The following FER1L5 variants were observed in gnomAD, a reference collection of about 807,000 sequenced individuals.
The protein encoded by FER1L5 is fer-1-like protein 5.
FER1L5 carries 187 observed loss-of-function variants against 279.9 expected under a neutral mutation model. The ratio of observed to expected loss-of-function variants is 0.67; its 90% CI spans 0.59 to 0.75. The LOEUF (loss-of-function observed/expected upper bound fraction) is 0.75, where lower values mean the gene tolerates loss of function less well. Ranked by LOEUF, FER1L5 falls within the 30% of genes least tolerant of loss-of-function variation. The pLI is 0.00. For missense variants in FER1L5, 2,091 were observed against 2,594.4 expected (o/e 0.81, Z 4.21); for synonymous variants, 921 against 989.7 (o/e 0.93, Z 1.30).
intron 1 of FER1L5, among the ~76,000 whole-genome samples, chr2:96,643,459 C>T (rs1573744591): frequency 1.3e-5 from 2 of 152,218 alleles, no homozygotes; most frequent in Non-Finnish European, 2.9e-5. Context: ...AAGCAATTCT[C>T]CTGCCTCACC....
chr2:96,650,401 G>C lies in FER1L5; in HGVS notation c.504+112G>C, dbSNP rs934878939. 2.0e-5 allele frequency: 17 copies of C among 867,970 alleles called. No individual in the cohort carries two copies. In the Admixed American group the frequency reaches 3.2e-4, roughly 17 times the overall value. The allele number at this position is 867,970 out of a possible 1,614,324, so 53.8% of individuals were successfully genotyped here. On this transcript the variant is annotated intron_variant, in intron 6 of 52. Transcript: ENST00000624922. ...GTCATGGTAGAAGGGCAGAGCTTCA[G>C]ACCCAGCTTCTGGCCCTCAGATCCT...
At position 96,687,788 on chromosome 2, in the gene FER1L5, C is replaced by T. The variant is rs565592531; in HGVS notation, c.2230-28C>T. On this transcript the variant is annotated intron_variant, in intron 23 of 52. Transcript: ENST00000624922. ...GTGGCGTTCAGGGTGTTTAGTGCCC[C>T]TGTGGGACCGATCGGCCTCTGGCTC... is the stretch of plus-strand genomic sequence containing the variant. The T allele has an allele frequency of 7.2e-4, 1,109 of 1,550,276 alleles. 5 individuals are homozygous for T. The African/African-American group carries it at 0.014, about 19-fold the overall frequency.
chr2:96,657,280 G>T (rs1299825067), intron 9 of FER1L5, among the ~76,000 whole-genome samples: 1 of 151,636 alleles, frequency 6.6e-6, no homozygotes, highest in Non-Finnish European at 1.5e-5. Context: ...TCACCATGTC[G>T]GCCAGGCTGG....
rs530887312 is a variant in FER1L5, at chr2:96,652,031, C to G, written c.633+11C>G. The G allele has an allele frequency of 6.4e-7, 1 of 1,551,436 alleles. No homozygotes were observed. The highest frequency in any genetic ancestry group is 8.7e-7 in the Non-Finnish European group (1 of 1,146,938). ...CCTTTCTTTAATGAGGTGGGCTGAA[C>G]GGGGCACATCAGGCAAGGAGCCAGC... On this transcript the variant is annotated intron_variant, in intron 7 of 52. Transcript: ENST00000624922.
chr2:96,689,214 A>G lies in FER1L5; in HGVS notation c.2363A>G (p.Tyr788Cys). 1 of 1,549,874 alleles carries G rather than the reference A, an allele frequency of 6.5e-7. No homozygotes were observed. Among genetic ancestry groups the G allele is most frequent in the Non-Finnish European group, 8.7e-7 (1 of 1,146,340 alleles). ...QGDTAVYAEM[Y>C]ENQAKYKDQW... ...CCCTGACAAGCTTCCCTCCCCTAGT[A>G]TGAGAATCAGGCCAAGTATAAAGAC... Residue 788 changes from tyrosine (Y) to cysteine (C), a missense_variant and splice_region_variant, in exon 25 of 53, where the codon TAT becomes TGT. Physicochemically the swap from Tyr to Cys is radical, Grantham distance 194. Coordinates refer to ENST00000624922, the MANE Select transcript of FER1L5 (RefSeq NM_001293083.2). This position sits in a 1 kb window ranked among gnomAD's most constrained non-coding sequence, Gnocchi z 4.6.
At position 96,699,656 on chromosome 2, in the gene FER1L5, G is replaced by T. The variant is rs971144515; in HGVS notation, c.4717G>T (p.Asp1573Tyr). 1 of 1,613,874 alleles carries T rather than the reference G, an allele frequency of 6.2e-7. No individual in the cohort carries two copies. The highest frequency in any genetic ancestry group is 2.2e-5 in the East Asian group (1 of 44,900). ...PDDKIGTTVIDLENRLLSGFG... is the reference protein window; with the variant it reads ...PDDKIGTTVIYLENRLLSGFG... ...TGATAAGATAGGAACCACAGTCATC[G>T]ACCTTGAAAACCGACTCCTATCTGG... The change falls in exon 43 of 53, where the codon GAC becomes TAC. Residue 1573 changes from aspartate (D) to tyrosine (Y), a missense_variant. Coordinates refer to ENST00000624922, the MANE Select transcript of FER1L5 (RefSeq NM_001293083.2).
At chr2:96,659,338 C>CTTTCTTTCTTTCTTTCTTTCTTTCT (rs1558853139) in intron 9 of FER1L5, among the ~76,000 whole-genome samples, 1 of 81,260 alleles carries the variant, frequency 1.2e-5, no homozygotes, top group Non-Finnish European at 2.3e-5. Flanking sequence ...TCCTTCCTTC[C>CTTTCTTTCTTTCTTTCTTTCTTTCT]TTCCTTCCTT....
At chr2:96,685,470 T>TGAGC (rs2076885492) in intron 21 of FER1L5, 41 bp downstream of exon 21, 1 of 1,517,970 alleles carries the variant, frequency 6.6e-7, no homozygotes, top group Non-Finnish European at 8.9e-7. Flanking sequence ...GGCCTGGAGC[T>TGAGC]GAGCCAGATC....
intron 9 of FER1L5, among the ~76,000 whole-genome samples, chr2:96,659,254 G>C (rs66727130): frequency 0.24 from 35,400 of 147,684 alleles, 5,928 homozygotes; most frequent in South Asian, 0.67. Flanking sequence ...TTCAAAAGCA[G>C]ACTTTTTCAT....
chr2:96,699,455 C>T (rs2077507706), intron 42 of FER1L5, 95 bp from the exon 43 acceptor site: 1 of 1,378,760 alleles, frequency 7.3e-7, no homozygotes, highest in African/African-American at 1.4e-5. Context: ...TCTCCATGAA[C>T]AAACAAGGGG....
At chr2:96,672,295 C>G (rs1261543936) in intron 18 of FER1L5, among the ~76,000 whole-genome samples, 2 of 152,078 alleles carry the variant, frequency 1.3e-5, no homozygotes, top group African/African-American at 2.4e-5. Flanking sequence ...CCAGGATGGT[C>G]TTGATCTCTT....
In FER1L5 at chr2:96,695,632, G is replaced by A. The variant is rs763744505; in HGVS notation, c.3865G>A (p.Glu1289Lys). The change falls in exon 35 of 53, where the codon GAG becomes AAG. Residue 1289 changes from glutamate to lysine, a missense_variant. Transcript: ENST00000624922. Reference sequence around the variant, plus strand: ...CTTTCAGACCAACCCCAACTTCCCCGAGTCTGAGTCTGTCCTAGTCCTCAC... The same window carrying A: ...CTTTCAGACCAACCCCAACTTCCCCAAGTCTGAGTCTGTCCTAGTCCTCAC... ...RDFQTNPNFP[E>K]SESVLVLTVL... is the part of the protein sequence containing the mutation. 8 of 1,605,548 alleles carry A rather than the reference G, an allele frequency of 5.0e-6. No individual in the cohort carries two copies. The highest frequency in any genetic ancestry group is 2.2e-5 in the South Asian group (2 of 89,474).
chr2:96,693,637 A>G lies in FER1L5; in HGVS notation c.3424A>G (p.Lys1142Glu). Reference sequence around the variant, plus strand: ...TCTGTACGAGAACCCACAGGACACCAAAGAGAGCCCACCGCTTGTGGTGCT... The same window carrying G: ...TCTGTACGAGAACCCACAGGACACCGAAGAGAGCCCACCGCTTGTGGTGCT... ...LLLYENPQDT[K>E]ESPPLVVLEL... The change falls in exon 32 of 53, where the codon AAA becomes GAA. Residue 1142 changes from lysine to glutamate, a missense_variant. Physicochemically the swap from Lys to Glu is moderately conservative, Grantham distance 56 (BLOSUM62 1). Coordinates refer to ENST00000624922, the MANE Select transcript of FER1L5 (RefSeq NM_001293083.2). The G allele has an allele frequency of 6.4e-7, 1 of 1,551,728 alleles. No homozygotes were observed. Among genetic ancestry groups the G allele is most frequent in the Non-Finnish European group, 8.7e-7 (1 of 1,146,992 alleles).
chr2:96,702,819 C>G lies in FER1L5; in HGVS notation c.5397+78C>G. ...TCCTGGAGCTCCTCCCCCCACCCCT[C>G]CAGAGGCTTGCAATCTGTCCCAGAA... is the stretch of plus-strand genomic sequence containing the variant. On this transcript the variant is annotated intron_variant, in intron 48 of 52. Transcript: ENST00000624922. The surrounding 1 kb of genome is among the most constrained non-coding windows in gnomAD (Gnocchi z 4.0). 1 of 1,573,902 alleles carries G rather than the reference C, an allele frequency of 6.4e-7. No individual in the cohort carries two copies. Among genetic ancestry groups the G allele is most frequent in the East Asian group, 2.3e-5 (1 of 43,028 alleles).
chr2:96,702,376 A>G lies in FER1L5; in HGVS notation c.5230A>G (p.Lys1744Glu), dbSNP rs1481568847. ...GGTGGATGACAATTTAAGTAGAGAG[A>G]AGACGAGCGACATCTACATCAAAGG... is the stretch of plus-strand genomic sequence containing the variant. Reference protein sequence around the residue: ...DLVDDNLSREKTSDIYIKGWL... With the variant: ...DLVDDNLSREETSDIYIKGWL... The change falls in exon 47 of 53, where the codon AAG becomes GAG. Residue 1744 changes from lysine (K) to glutamate (E), a missense_variant. Lys to Glu is a moderately conservative substitution (Grantham distance 56). Coordinates refer to ENST00000624922, the MANE Select transcript of FER1L5 (RefSeq NM_001293083.2). The surrounding 1 kb of genome is among the most constrained non-coding windows in gnomAD (Gnocchi z 4.0). The G allele has an allele frequency of 6.2e-7, 1 of 1,612,774 alleles. No individual in the cohort carries two copies.
chr2:96,682,586 C>G (rs898753480), intron 19 of FER1L5, among the ~76,000 whole-genome samples: 12 of 152,236 alleles, frequency 7.9e-5, no homozygotes, highest in Non-Finnish European at 1.3e-4. Context: ...ACTTTGTGGG[C>G]ATTCTCTGAG....
rs1205933969 is a variant in FER1L5, at chr2:96,692,141, G to A, written c.3252G>A (p.Gln1084=). 1.9e-6 allele frequency: 3 copies of A among 1,551,518 alleles called. No individual in the cohort carries two copies. In the East Asian group the frequency reaches 7.3e-5, roughly 38 times the overall value. The change falls in exon 31 of 53, where the codon CAG becomes CAA. Residue 1084 remains glutamine, a synonymous_variant. Coordinates refer to ENST00000624922, the MANE Select transcript of FER1L5 (RefSeq NM_001293083.2). ...ACCAGCTCTTCTGCTACATCTACCA[G>A]GCCCGGAACCTGGTGTCCAATCAGA... The part of the protein sequence containing the change: ...HYYQLFCYIY[Q]ARNLVSNQIL...
chr2:96,703,462 C>T (rs2153314664), intron 50 of FER1L5, 61 bp from the exon 51 acceptor site: 2 of 1,610,294 alleles, frequency 1.2e-6, no homozygotes, highest in East Asian at 4.5e-5. Flanking sequence ...GGAAGAGGTC[C>T]TAAAACTACC....
intron 39 of FER1L5, 115 bp downstream of exon 39, chr2:96,697,876 C>G: frequency 2.8e-6 from 4 of 1,441,958 alleles, no homozygotes; most frequent in Non-Finnish European, 3.8e-6. Context: ...CACTGTCTCC[C>G]AGAGACAGCT....
Sources: gnomAD v4.1 joint callset for allele counts (sites outside exome capture counted in the v4.1 genomes callset) on GRCh38, gnomAD v4.1.1 for gene constraint, Gnocchi (gnomAD v3.1) non-coding constraint, MANE v1.5 for transcripts, NCBI Gene and HGNC (gene_info 2026-07-23, HGNC 2026-07-21) for gene names.